The following GABRG2 variants were observed in gnomAD, a reference collection of about 807,000 sequenced individuals.
GABRG2 encodes gamma-aminobutyric acid type A receptor subunit gamma2, also known as gamma-aminobutyric acid receptor subunit gamma-2.
GABRG2 carries 16 observed loss-of-function variants against 56.4 expected under a neutral mutation model. The observed-to-expected ratio is 0.28, with a 90% confidence interval of 0.19 to 0.43. The LOEUF (loss-of-function observed/expected upper bound fraction) is 0.43, where lower values mean the gene tolerates loss of function less well. GABRG2 is among the 20% of genes least tolerant of loss of function. The probability of loss-of-function intolerance (pLI) is 1.00; values close to 1 mark genes in which losing one functional copy is unlikely to be tolerated. For missense variants in GABRG2, 327 were observed against 582.7 expected (o/e 0.56, Z 4.52); for synonymous variants, 208 against 205.5 (o/e 1.01, Z -0.10).
intron 6 of GABRG2, among the ~76,000 whole-genome samples, chr5:162,135,591 T>C (rs985172291): frequency 6.6e-6 from 1 of 152,212 alleles, no homozygotes; most frequent in Non-Finnish European, 1.5e-5. Context: ...GTATTCACCA[T>C]CATATATTTT....
chr5:162,152,931 T>C, intron 9 of GABRG2, 162 bp from the exon 10 acceptor site: 1 of 838,236 alleles, frequency 1.2e-6, no homozygotes, highest in South Asian at 1.5e-5. Flanking sequence ...AAATGTGCTA[T>C]CTTTCTAAGT....
intron 6 of GABRG2, among the ~76,000 whole-genome samples, chr5:162,126,270 G>T (rs1264686434): frequency 1.3e-5 from 2 of 151,902 alleles, no homozygotes; most frequent in Non-Finnish European, 2.9e-5. Flanking sequence ...AGTCGTACTT[G>T]TGATTTCATC....
chr5:162,090,867 A>G (rs1404290151), intron 1 of GABRG2, among the ~76,000 whole-genome samples: 2 of 152,230 alleles, frequency 1.3e-5, no homozygotes, highest in East Asian at 1.9e-4. Context: ...CTGCCCAGAC[A>G]TTCTTATGGA....
At chr5:162,077,110 T>TGA (rs1759190809) in intron 1 of GABRG2, among the ~76,000 whole-genome samples, 1 of 140,994 alleles carries the variant, frequency 7.1e-6, no homozygotes, top group Non-Finnish European at 1.5e-5. Context: ...TGTGTGTGTG[T>TGA]GATGTTTCTA....
chr5:162,069,396 G>C (rs1251206353), intron 1 of GABRG2, among the ~76,000 whole-genome samples: 1 of 152,036 alleles, frequency 6.6e-6, no homozygotes. Flanking sequence ...ACATTTTTTT[G>C]TGGGTCGACA....
chr5:162,095,354 T>C, intron 2 of GABRG2, 141 bp from the exon 3 acceptor site: 1 of 659,186 alleles, frequency 1.5e-6, no homozygotes, highest in Non-Finnish European at 2.7e-6. Context: ...TCAAATGTGG[T>C]GAATTAGTAA....
At chr5:162,092,027 A>G (rs1418199811) in intron 1 of GABRG2, among the ~76,000 whole-genome samples, 1 of 152,066 alleles carries the variant, frequency 6.6e-6, no homozygotes, top group African/African-American at 2.4e-5. Context: ...CTCATGAGTT[A>G]TTGGAGGGAT....
chr5:162,118,628 C>T (rs1037373238), intron 6 of GABRG2, among the ~76,000 whole-genome samples: 1 of 151,648 alleles, frequency 6.6e-6, no homozygotes, highest in African/African-American at 2.4e-5. Context: ...TATATCTGTG[C>T]CAGTAAGCAA....
At chr5:162,149,834 G>A (rs190307991) in intron 8 of GABRG2, 131 of 343,536 alleles carry the variant, frequency 3.8e-4, no homozygotes, top group African/African-American at 2.5e-3. Context: ...GGCTGGTCTC[G>A]AACTCCTGAC....
intron 1 of GABRG2, among the ~76,000 whole-genome samples, chr5:162,070,171 G>C (rs1758557761): frequency 6.6e-6 from 1 of 151,972 alleles, no homozygotes. Flanking sequence ...TTTTCAATTT[G>C]TACCAGACTA....
intron 6 of GABRG2, among the ~76,000 whole-genome samples, chr5:162,116,118 G>GTC (rs10650652): frequency 7.9e-6 from 1 of 126,482 alleles, no homozygotes; most frequent in African/African-American, 2.9e-5. Context: ...GCATGTGTGT[G>GTC]TGTGTGTGTG....
intron 6 of GABRG2, among the ~76,000 whole-genome samples, chr5:162,125,701 G>A (rs1328413692): frequency 1.3e-5 from 2 of 151,730 alleles, no homozygotes; most frequent in South Asian, 4.1e-4. Flanking sequence ...TTTGTCAGAT[G>A]AACGTAATAA....
intron 6 of GABRG2, among the ~76,000 whole-genome samples, chr5:162,123,866 TTTTG>T (rs761620124): frequency 3.3e-5 from 5 of 151,964 alleles, no homozygotes; most frequent in African/African-American, 4.8e-5. Context: ...GTGTTAATGT[TTTTG>T]TTTGTGTGTG....
chr5:162,145,197 G>C (rs1764865988), intron 7 of GABRG2, among the ~76,000 whole-genome samples: 1 of 152,178 alleles, frequency 6.6e-6, no homozygotes, highest in South Asian at 2.1e-4. Context: ...TGTTTTCTGA[G>C]CACAGAGTCC....
chr5:162,110,539 C>G (rs1561647690), intron 6 of GABRG2, among the ~76,000 whole-genome samples: 1 of 151,862 alleles, frequency 6.6e-6, no homozygotes, highest in African/African-American at 2.4e-5. Flanking sequence ...AAACTTGACT[C>G]ACGATTTAGA....
At position 162,067,911 on chromosome 5, in the gene GABRG2, T is replaced by C; in HGVS notation, c.-89T>C. 1 of 900,972 alleles carries C rather than the reference T, an allele frequency of 1.1e-6. No homozygotes were observed. Among genetic ancestry groups the C allele is most frequent in the Admixed American group, 1.8e-5 (1 of 55,310 alleles). The allele number at this position is 900,972 out of a possible 1,614,324, so 55.8% of individuals were successfully genotyped here. A position where few individuals can be genotyped will look rare whatever the true frequency, so the allele number is the denominator to read the frequency against. On this transcript the variant is annotated 5_prime_UTR_variant, in exon 1 of 10. Coordinates refer to ENST00000639213, the MANE Select transcript of GABRG2 (RefSeq NM_198904.4). Reference sequence around the variant, plus strand: ...TAGAGGCAGGTGGGGGGAGCCACCATCAGATCATAAGCATAAGAATAATAC... The same window carrying C: ...TAGAGGCAGGTGGGGGGAGCCACCACCAGATCATAAGCATAAGAATAATAC...
At chr5:162,115,771 A>G (rs1234828398) in intron 6 of GABRG2, among the ~76,000 whole-genome samples, 3 of 152,152 alleles carry the variant, frequency 2.0e-5, no homozygotes, top group Admixed American at 6.6e-5. Flanking sequence ...TCTTAATTGT[A>G]TAAATTGGCT....
chr5:162,136,493 G>A (rs1426983653), intron 6 of GABRG2, among the ~76,000 whole-genome samples: 1 of 152,038 alleles, frequency 6.6e-6, no homozygotes, highest in Non-Finnish European at 1.5e-5. Context: ...TGGTGGTGGT[G>A]GTGGCATAGG....
At chr5:162,102,771 T>G (rs1761528079) in intron 5 of GABRG2, 1 of 350,178 alleles carries the variant, frequency 2.9e-6, no homozygotes, top group Non-Finnish European at 5.7e-6. Context: ...TTCCTCAATT[T>G]TCATCACATA....
Sources: gnomAD v4.1 joint callset for allele counts (sites outside exome capture counted in the v4.1 genomes callset) on GRCh38, gnomAD v4.1.1 for gene constraint, MANE v1.5 for transcripts, NCBI Gene and HGNC (gene_info 2026-07-23, HGNC 2026-07-21) for gene names.